The following XIRP2 variants were observed in gnomAD, a reference collection of about 807,000 sequenced individuals.
XIRP2 encodes xin actin binding repeat containing 2, also known as xin actin-binding repeat-containing protein 2.
Under a neutral mutation model 277.0 loss-of-function variants are expected in XIRP2, and 236 were observed. The ratio of observed to expected loss-of-function variants is 0.85; its 90% CI spans 0.77 to 0.95. The LOEUF is 0.95. XIRP2 is among the 40% of genes least tolerant of loss of function. XIRP2 has a pLI of 0.00. For missense variants in XIRP2, 4,640 were observed against 4,157.5 expected (o/e 1.12, Z -3.19); for synonymous variants, 1,490 against 1,416.5 (o/e 1.05, Z -1.17).
intron 2 of XIRP2, among the ~76,000 whole-genome samples, chr2:166,913,389 C>T (rs148447531): frequency 2.9e-4 from 43 of 150,110 alleles, no homozygotes; most frequent in Non-Finnish European, 4.6e-4. Flanking sequence ...GCTCCGTGGG[C>T]GTGGGACCCT....
At chr2:167,041,951 T>A (rs185022850) in intron 2 of XIRP2, among the ~76,000 whole-genome samples, 2 of 152,220 alleles carry the variant, frequency 1.3e-5, no homozygotes, top group Non-Finnish European at 2.9e-5. Flanking sequence ...AAGGGGCATG[T>A]CACATATAAA....
Position 167,243,847 on chromosome 2 carries a change from A to G in XIRP2, c.2455A>G (p.Lys819Glu), listed in dbSNP as rs2105435161. 6.2e-7 allele frequency: 1 copy of G among 1,613,902 alleles called. No homozygotes were observed. The highest frequency in any genetic ancestry group is 2.2e-5 in the East Asian group (1 of 44,840). Residue 819 changes from lysine (K) to glutamate (E), a missense_variant, in exon 9 of 11, where the codon AAA (lysine) becomes GAA (glutamate). Lys to Glu is a moderately conservative substitution (Grantham distance 56, BLOSUM62 1). Coordinates refer to ENST00000409195, the MANE Select transcript of XIRP2 (RefSeq NM_152381.6). The stretch of plus-strand genomic sequence containing the variant: ...GTTATTTGAAACCCAACCTTTGGAG[A>G]AAATCAAAGAGTCAGAAGAGGTCAT... ...KWLFETQPLE[K>E]IKESEEVIIE...
At chr2:167,104,280 A>G (rs1423479757) in intron 2 of XIRP2, among the ~76,000 whole-genome samples, 1 of 152,068 alleles carries the variant, frequency 6.6e-6, no homozygotes, top group East Asian at 1.9e-4. Context: ...AGCATGCACA[A>G]AAGAAGCGCA....
Position 166,939,663 on chromosome 2 carries a change from G to A in XIRP2, c.408+35773G>A, listed in dbSNP as rs183622627. On this transcript the variant is annotated intron_variant, in intron 2 of 10. Transcript: ENST00000409195. ...CCACTGCACTCTGGCCTGGGCGAAA[G>A]AGCAAGACTCCATCACAAAAAAAAA... 2.6e-3 allele frequency among the ~76,000 whole-genome samples: 291 copies of A among 110,178 alleles called. 2 individuals are homozygous for A. Among genetic ancestry groups the A allele is most frequent in the African/African-American group, 1.0e-2 (259 of 26,028 alleles). 72.3% of individuals were successfully genotyped at this position (110,178 alleles called of 152,430 possible).
Position 167,178,723 on chromosome 2 carries a change from C to T in XIRP2, c.563-32012C>T, listed in dbSNP as rs559551889. On this transcript the variant is annotated intron_variant, in intron 3 of 10. Coordinates refer to ENST00000409195, the MANE Select transcript of XIRP2 (RefSeq NM_152381.6). The stretch of plus-strand genomic sequence containing the variant: ...TTGATGACCACCTTAAGGTGTTTTT[C>T]TGGACCACTCAAATTAAACTTTTTG... 2.9e-4 allele frequency among the ~76,000 whole-genome samples: 44 copies of T among 151,552 alleles called. No homozygotes were observed. The East Asian group carries it at 7.8e-3, about 27-fold the overall frequency.
intron 5 of XIRP2, among the ~76,000 whole-genome samples, chr2:167,237,928 A>G (rs1440915704): frequency 6.6e-6 from 1 of 152,160 alleles, no homozygotes; most frequent in African/African-American, 2.4e-5. Flanking sequence ...GCAGTTGTCA[A>G]TGATTGTTAT....
chr2:167,196,842 G>A (rs981872796), intron 3 of XIRP2, among the ~76,000 whole-genome samples: 13 of 152,080 alleles, frequency 8.5e-5, no homozygotes, highest in African/African-American at 2.2e-4. Flanking sequence ...TTGGTTGTGC[G>A]TAGGTATGTG....
At chr2:167,133,925 TA>T (rs1691458752) in intron 2 of XIRP2, among the ~76,000 whole-genome samples, 1 of 152,176 alleles carries the variant, frequency 6.6e-6, no homozygotes, top group Non-Finnish European at 1.5e-5. Flanking sequence ...GGATTTTTTG[TA>T]ATAGTTGGAA....
At chr2:167,018,888 A>T (rs1687908019) in intron 2 of XIRP2, among the ~76,000 whole-genome samples, 1 of 152,062 alleles carries the variant, frequency 6.6e-6, no homozygotes, top group Admixed American at 6.6e-5. Flanking sequence ...CCAGGATCAC[A>T]GTGTACAAAA....
chr2:166,910,363 T>G lies in XIRP2; in HGVS notation c.408+6473T>G, dbSNP rs185988379. On this transcript the variant is annotated intron_variant, in intron 2 of 10. Transcript: ENST00000409195. ...TGGGAGGGTGTATGTGTCAAGGAATTTATCTATTTCTTCTAGATTTTCTAG... is the reference window on the plus strand; with the variant it reads ...TGGGAGGGTGTATGTGTCAAGGAATGTATCTATTTCTTCTAGATTTTCTAG... Among the ~76,000 whole-genome samples the G allele has an allele frequency of 6.4e-4, 97 of 152,338 alleles. No homozygotes were observed. The East Asian group carries it at 0.017, about 27-fold the overall frequency.
chr2:167,010,514 G>A (rs1251954349), intron 2 of XIRP2, among the ~76,000 whole-genome samples: 1 of 152,062 alleles, frequency 6.6e-6, no homozygotes, highest in Non-Finnish European at 1.5e-5. Context: ...GATGCCTCCA[G>A]CTTTGTTCTT....
At chr2:166,981,701 C>G (rs1558937511) in intron 2 of XIRP2, among the ~76,000 whole-genome samples, 1 of 152,100 alleles carries the variant, frequency 6.6e-6, no homozygotes, top group Non-Finnish European at 1.5e-5. Context: ...GCACCCAGTT[C>G]CTTCTCCTCT....
chr2:167,153,116 C>G (rs896765756), intron 3 of XIRP2, among the ~76,000 whole-genome samples: 3 of 152,006 alleles, frequency 2.0e-5, no homozygotes, highest in African/African-American at 7.2e-5. Flanking sequence ...TTGAATGATT[C>G]AATTAATTGA....
chr2:166,891,141 C>T (rs940089655), intron 1 of XIRP2, among the ~76,000 whole-genome samples: 2 of 152,106 alleles, frequency 1.3e-5, no homozygotes, highest in Non-Finnish European at 2.9e-5. Context: ...TTAATGGATA[C>T]GTGACTGTGG....
At chr2:167,129,809 G>C (rs911124685) in intron 2 of XIRP2, among the ~76,000 whole-genome samples, 4 of 150,658 alleles carry the variant, frequency 2.7e-5, no homozygotes, top group African/African-American at 9.8e-5. Flanking sequence ...GGCAGAGATT[G>C]TGGTGAGCTG....
chr2:167,132,271 T>C (rs530362736), intron 2 of XIRP2, among the ~76,000 whole-genome samples: 89 of 152,246 alleles, frequency 5.8e-4, no homozygotes, highest in African/African-American at 1.9e-3. Flanking sequence ...CATGAGATTT[T>C]GCAATGTGCG....
chr2:167,067,267 A>T (rs1208819595), intron 2 of XIRP2, among the ~76,000 whole-genome samples: 2 of 148,876 alleles, frequency 1.3e-5, no homozygotes, highest in African/African-American at 5.1e-5. Context: ...AATATTTTCC[A>T]TTGCTATGTC....
intron 2 of XIRP2, among the ~76,000 whole-genome samples, chr2:167,130,591 G>T (rs923987569): frequency 6.6e-5 from 10 of 152,032 alleles, no homozygotes; most frequent in African/African-American, 1.9e-4. Flanking sequence ...CACTAAAAGG[G>T]TTCTTTAGTT....
At chr2:167,010,651 T>C (rs181077815) in intron 2 of XIRP2, among the ~76,000 whole-genome samples, 96 of 152,298 alleles carry the variant, frequency 6.3e-4, no homozygotes, top group African/African-American at 2.1e-3. Context: ...ATCTATAAAT[T>C]ACCTTGGGCA....
Sources: gnomAD v4.1 joint callset for allele counts (sites outside exome capture counted in the v4.1 genomes callset) on GRCh38, gnomAD v4.1.1 for gene constraint, MANE v1.5 for transcripts, NCBI Gene and HGNC (gene_info 2026-07-23, HGNC 2026-07-21) for gene names.